MTMR14: variants seen among roughly 807,000 people sequenced by gnomAD.
The protein encoded by MTMR14 is phosphatidylinositol-3,5-bisphosphate 3-phosphatase MTMR14.
In MTMR14, 48 loss-of-function variants were observed where a neutral mutation model predicts 86.3. That is an observed-to-expected ratio of 0.56 (90% CI 0.44 to 0.71). The LOEUF is 0.71. Ranked by LOEUF, MTMR14 falls within the 30% of genes least tolerant of loss-of-function variation. The probability of loss-of-function intolerance (pLI) is 0.00; values close to 1 mark genes in which losing one functional copy is unlikely to be tolerated. For missense variants in MTMR14, 780 were observed against 834.6 expected, an observed-to-expected ratio of 0.93 and a Z score of 0.81; for synonymous variants, 366 against 326.1, an observed-to-expected ratio of 1.12 and a Z score of -1.32.
intron 16 of MTMR14, 76 bp downstream of exon 16, chr3:9,689,158 G>T (rs540662002): frequency 1.3e-6 from 2 of 1,589,670 alleles, no homozygotes; most frequent in African/African-American, 1.3e-5. Context: ...CCAGGCTGGA[G>T]CCCCAAGAAC....
At chr3:9,661,641 G>T (rs1476335029) in intron 2 of MTMR14, among the ~76,000 whole-genome samples, 4 of 152,118 alleles carry the variant, frequency 2.6e-5, no homozygotes, top group Admixed American at 2.0e-4. Context: ...CTTATCCTGG[G>T]AGTTAAAAAT....
At chr3:9,691,728 G>A (rs530780552) in intron 17 of MTMR14, among the ~76,000 whole-genome samples, 1 of 152,300 alleles carries the variant, frequency 6.6e-6, no homozygotes, top group East Asian at 1.9e-4. Flanking sequence ...GCGTGTCTCA[G>A]GCTCTTGTAG....
At chr3:9,698,103 G>A (rs1325708282) in intron 18 of MTMR14, among the ~76,000 whole-genome samples, 1 of 152,254 alleles carries the variant, frequency 6.6e-6, no homozygotes, top group East Asian at 1.9e-4. Flanking sequence ...TGTCTCAGGT[G>A]CACCCAAAGG....
intron 14 of MTMR14, 91 bp downstream of exon 14, chr3:9,687,982 G>T: frequency 9.2e-7 from 1 of 1,088,310 alleles, no homozygotes. Flanking sequence ...CCTCATTCCC[G>T]CCCTGCCTCC....
At chr3:9,669,912 G>A (rs1179622862) in intron 5 of MTMR14, among the ~76,000 whole-genome samples, 2 of 152,172 alleles carry the variant, frequency 1.3e-5, no homozygotes, top group Non-Finnish European at 2.9e-5. Context: ...CCATACATAG[G>A]AGACATGAGG....
intron 7 of MTMR14, among the ~76,000 whole-genome samples, chr3:9,673,797 AAG>A (rs1249898182): frequency 6.6e-6 from 1 of 152,084 alleles, no homozygotes; most frequent in Non-Finnish European, 1.5e-5. Context: ...GTGCTTATTT[AAG>A]AGTGAAGTGC....
intron 9 of MTMR14, among the ~76,000 whole-genome samples, chr3:9,680,703 G>A (rs910979151): frequency 8.5e-5 from 13 of 152,242 alleles, no homozygotes; most frequent in South Asian, 2.1e-4. Flanking sequence ...CGGGCGTGGT[G>A]GCGGGCGCCT....
chr3:9,689,869 T>C, intron 16 of MTMR14, 95 bp from the exon 17 acceptor site: 1 of 1,235,494 alleles, frequency 8.1e-7, no homozygotes, highest in Non-Finnish European at 1.1e-6. Context: ...GTTTTCCCAG[T>C]GGAAGTAAAG....
chr3:9,672,609 T>C (rs901082699), intron 6 of MTMR14, 76 bp from the exon 7 acceptor site: 3 of 1,279,728 alleles, frequency 2.3e-6, no homozygotes, highest in African/African-American at 2.9e-5. Flanking sequence ...TTTGTGATTA[T>C]AACCCTTATT....
rs1474733510 is a variant in MTMR14, at chr3:9,701,469, C to T, written c.1770-321C>T. The T allele has an allele frequency of 1.1e-5, 4 of 364,508 alleles. No homozygotes were observed. Among genetic ancestry groups the T allele is most frequent in the Non-Finnish European group, 1.5e-5 (3 of 198,160 alleles). 22.6% of individuals were successfully genotyped at this position (364,508 alleles called of 1,614,324 possible). A position where few individuals can be genotyped will look rare whatever the true frequency, so the allele number is the denominator to read the frequency against. The stretch of plus-strand genomic sequence containing the variant: ...GAGGATGGCTTGAGGCTACAGTGAG[C>T]GCTGATTGTGTCACTGCATTCCAGC... On this transcript the variant is annotated intron_variant, in intron 18 of 18. Transcript: ENST00000296003. The surrounding 1 kb of genome is among the most constrained non-coding windows in gnomAD (Gnocchi z 4.2).
In MTMR14 at chr3:9,683,038, C is replaced by T. The variant is rs1575037186; in HGVS notation, c.898-140C>T. 1.7e-5 allele frequency: 10 copies of T among 589,932 alleles called. No homozygotes were observed. The East Asian group carries it at 2.4e-4, about 14-fold the overall frequency. The allele number at this position is 589,932 out of a possible 1,614,324, so 36.5% of individuals were successfully genotyped here. On this transcript the variant is annotated intron_variant, in intron 9 of 18. Coordinates refer to ENST00000296003, the MANE Select transcript of MTMR14 (RefSeq NM_001077525.3). ...ATGGAATACGAATGTCCCAGATTAT[C>T]TGGGATTCAAAACCTATGGTCTGTA... is the stretch of plus-strand genomic sequence containing the variant.
intron 3 of MTMR14, among the ~76,000 whole-genome samples, chr3:9,667,081 A>G (rs1267132516): frequency 6.6e-6 from 1 of 152,234 alleles, no homozygotes; most frequent in Non-Finnish European, 1.5e-5. Flanking sequence ...GTGGAAGAAT[A>G]ATTGGGAACA....
chr3:9,697,581 A>T, intron 17 of MTMR14, 130 bp from the exon 18 acceptor site: 8 of 1,038,890 alleles, frequency 7.7e-6, no homozygotes, highest in African/African-American at 1.6e-5. Flanking sequence ...TTTTTTTTAG[A>T]CTTTTGGAGA....
intron 7 of MTMR14, among the ~76,000 whole-genome samples, chr3:9,676,372 G>A (rs947372167): frequency 2.6e-5 from 4 of 151,840 alleles, no homozygotes; most frequent in South Asian, 2.1e-4. Flanking sequence ...GCCACAGCCC[G>A]GGGGGCAAGA....
chr3:9,666,575 TAAGTA>T (rs1342824439), intron 3 of MTMR14, among the ~76,000 whole-genome samples: 1 of 152,230 alleles, frequency 6.6e-6, no homozygotes, highest in Non-Finnish European at 1.5e-5. Flanking sequence ...TATGATGGGT[TAAGTA>T]AAGTATATTA....
intron 2 of MTMR14, among the ~76,000 whole-genome samples, chr3:9,656,804 G>A (rs1465515374): frequency 6.6e-6 from 1 of 152,102 alleles, no homozygotes; most frequent in South Asian, 2.1e-4. Context: ...TTTTTGCCTT[G>A]CCATTCTCTT....
chr3:9,690,689 A>AAGCTG (rs2076111740), intron 17 of MTMR14, among the ~76,000 whole-genome samples: 1 of 152,212 alleles, frequency 6.6e-6, no homozygotes, highest in Non-Finnish European at 1.5e-5. Flanking sequence ...GGTGAGTTTA[A>AAGCTG]AGCTGAGCAC....
intron 9 of MTMR14, among the ~76,000 whole-genome samples, chr3:9,682,950 G>A (rs878926617): frequency 1.1e-4 from 11 of 103,146 alleles, no homozygotes; most frequent in African/African-American, 3.5e-4. Context: ...CCCCGCCCCC[G>A]CCCCCCGAGT....
intron 2 of MTMR14, among the ~76,000 whole-genome samples, chr3:9,660,448 A>G (rs1333767572): frequency 6.6e-6 from 1 of 151,850 alleles, no homozygotes; most frequent in Non-Finnish European, 1.5e-5. Flanking sequence ...TTTAGTAGAG[A>G]TGGGGTTTCA....
Sources: gnomAD v4.1 joint callset for allele counts (sites outside exome capture counted in the v4.1 genomes callset) on GRCh38, gnomAD v4.1.1 for gene constraint, Gnocchi (gnomAD v3.1) non-coding constraint, MANE v1.5 for transcripts, NCBI Gene and HGNC (gene_info 2026-07-23, HGNC 2026-07-21) for gene names.